The following SNX29 variants were observed in gnomAD, a reference collection of about 807,000 sequenced individuals.
The protein encoded by SNX29 is sorting nexin-29.
SNX29 carries 78 observed loss-of-function variants against 102.1 expected under a neutral mutation model. The ratio of observed to expected loss-of-function variants is 0.76; its 90% CI spans 0.64 to 0.92. SNX29 has a LOEUF of 0.92. Among genes scored for constraint, SNX29 ranks in the 40% least tolerant of loss-of-function variants. SNX29 has a pLI of 0.00. For synonymous variants in SNX29, 580 were observed against 414.5 expected, an observed-to-expected ratio of 1.40 and a Z score of -4.85; for missense variants, 1,280 against 1,061.7, an observed-to-expected ratio of 1.21 and a Z score of -2.86.
intron 12 of SNX29, among the ~76,000 whole-genome samples, chr16:12,127,683 A>T (rs1278576532): frequency 6.6e-6 from 1 of 152,118 alleles, no homozygotes; most frequent in Non-Finnish European, 1.5e-5. Context: ...TGGCCTCCCA[A>T]AGTGCTAAGA....
At chr16:12,560,986 G>T (rs188089971) in intron 20 of SNX29, 1 of 214,858 alleles carries the variant, frequency 4.7e-6, no homozygotes, top group Admixed American at 5.8e-5. Context: ...CTTGGGTACT[G>T]CCAGAGCCAT....
chr16:12,166,305 G>A (rs1596403544), intron 13 of SNX29, among the ~76,000 whole-genome samples: 2 of 152,304 alleles, frequency 1.3e-5, no homozygotes, highest in South Asian at 2.1e-4. Context: ...AAATGAGGGG[G>A]CCATGATGGG....
intron 13 of SNX29, among the ~76,000 whole-genome samples, chr16:12,170,033 C>T (rs766544432): frequency 2.6e-5 from 4 of 152,092 alleles, no homozygotes; most frequent in South Asian, 2.1e-4. Flanking sequence ...CTCTCCGTGC[C>T]GACACTTGGG....
intron 19 of SNX29, among the ~76,000 whole-genome samples, chr16:12,507,755 C>T (rs913830975): frequency 7.9e-5 from 12 of 152,128 alleles, no homozygotes; most frequent in African/African-American, 1.9e-4. Context: ...TGAAGTAGAA[C>T]GTTAAAATAA....
At chr16:12,554,485 T>A (rs971373469) in intron 20 of SNX29, among the ~76,000 whole-genome samples, 2 of 152,048 alleles carry the variant, frequency 1.3e-5, no homozygotes, top group East Asian at 3.9e-4. Flanking sequence ...AGGCATGGAG[T>A]GGTTTCCAAG....
At chr16:12,521,732 A>T (rs756943318) in intron 19 of SNX29, among the ~76,000 whole-genome samples, 3 of 152,178 alleles carry the variant, frequency 2.0e-5, no homozygotes, top group Non-Finnish European at 4.4e-5. Flanking sequence ...CCACCTTCCC[A>T]AGGAAAAGCA....
intron 15 of SNX29, chr16:12,297,308 G>A (rs1460548978): frequency 3.3e-5 from 5 of 152,344 alleles, no homozygotes; most frequent in African/African-American, 7.2e-5. Flanking sequence ...AAGCCTGGGA[G>A]TGATTTTCAA....
chr16:12,029,391 G>A (rs2057278914), intron 4 of SNX29, among the ~76,000 whole-genome samples: 1 of 151,962 alleles, frequency 6.6e-6, no homozygotes, highest in African/African-American at 2.4e-5. Flanking sequence ...AATTTTTGAG[G>A]AACAAAGCAA....
chr16:12,052,326 C>T lies in SNX29; in HGVS notation c.1124+104C>T, dbSNP rs558206916. On this transcript the variant is annotated intron_variant, in intron 8 of 20. Transcript: ENST00000566228. ...CCACCTCCCGGGTTCAAGCTATTCTCCTGCCTCAGCCTCCCGAGTAGCTGG... is the reference window on the plus strand; with the variant it reads ...CCACCTCCCGGGTTCAAGCTATTCTTCTGCCTCAGCCTCCCGAGTAGCTGG... 67 of 1,298,444 alleles carry T rather than the reference C, an allele frequency of 5.2e-5. 1 individual carries two copies. The highest frequency in any genetic ancestry group is 5.0e-4 in the South Asian group (38 of 76,538). The allele number at this position is 1,298,444 out of a possible 1,614,324, so 80.4% of individuals were successfully genotyped here.
chr16:12,486,363 G>T (rs990722610), intron 19 of SNX29, among the ~76,000 whole-genome samples: 1 of 152,194 alleles, frequency 6.6e-6, no homozygotes, highest in African/African-American at 2.4e-5. Context: ...CACAGGTTCT[G>T]GGGATTGAGG....
intron 18 of SNX29, among the ~76,000 whole-genome samples, chr16:12,426,486 T>C (rs1193165032): frequency 6.6e-6 from 1 of 151,990 alleles, no homozygotes; most frequent in African/African-American, 2.4e-5. Flanking sequence ...TGCAGGAGGG[T>C]AATGGGAACA....
At chr16:12,280,576 G>A (rs376326290) in intron 15 of SNX29, among the ~76,000 whole-genome samples, 14 of 152,048 alleles carry the variant, frequency 9.2e-5, no homozygotes, top group Admixed American at 3.3e-4. Flanking sequence ...TGTGGTCAAC[G>A]AGCTGAGAGA....
chr16:12,568,004 T>TA (rs2079084265), intron 20 of SNX29, among the ~76,000 whole-genome samples: 1 of 152,154 alleles, frequency 6.6e-6, no homozygotes, highest in African/African-American at 2.4e-5. Context: ...TTAAACACAA[T>TA]ACCATGCCAA....
chr16:12,192,106 G>A (rs1403602344), intron 13 of SNX29, among the ~76,000 whole-genome samples: 1 of 152,180 alleles, frequency 6.6e-6, no homozygotes, highest in Non-Finnish European at 1.5e-5. Flanking sequence ...GCTGTCTGGG[G>A]TTGCTGGTTG....
intron 20 of SNX29, among the ~76,000 whole-genome samples, chr16:12,563,197 C>G (rs951368601): frequency 1.7e-4 from 7 of 41,790 alleles, no homozygotes; most frequent in African/African-American, 9.3e-4. Context: ...CCACAGTCAA[C>G]ATGCTGGGAT....
rs144249553 is a variant in SNX29, at chr16:12,521,744, C to T, written c.2179-2958C>T. Among the ~76,000 whole-genome samples, 44 of 152,306 alleles carry T rather than the reference C, an allele frequency of 2.9e-4. No individual in the cohort carries two copies. In the East Asian group the frequency reaches 4.8e-3, roughly 17 times the overall value. On this transcript the variant is annotated intron_variant, in intron 19 of 20. Transcript: ENST00000566228. ...TAACCACCTTCCCAAGGAAAAGCAT[C>T]TCATTGTTTAATGGCGGGTTGAAAC...
chr16:12,544,849 CA>C (rs2077514714), intron 20 of SNX29, among the ~76,000 whole-genome samples: 2 of 152,206 alleles, frequency 1.3e-5, no homozygotes, highest in Admixed American at 1.3e-4. Flanking sequence ...GGGAAATGCC[CA>C]CATGCAGCCA....
At chr16:12,554,529 C>G (rs1212311685) in intron 20 of SNX29, among the ~76,000 whole-genome samples, 1 of 152,204 alleles carries the variant, frequency 6.6e-6, no homozygotes, top group African/African-American at 2.4e-5. Flanking sequence ...ATTGAACATT[C>G]TCGCCCACGT....
chr16:12,060,774 C>G (rs1180191257), intron 8 of SNX29: 1 of 456,302 alleles, frequency 2.2e-6, no homozygotes. Context: ...CAATTACTCC[C>G]AAACAAACCC....
Sources: gnomAD v4.1 joint callset for allele counts (sites outside exome capture counted in the v4.1 genomes callset) on GRCh38, gnomAD v4.1.1 for gene constraint, MANE v1.5 for transcripts, NCBI Gene and HGNC (gene_info 2026-07-23, HGNC 2026-07-21) for gene names.